The following CNR1 variants were observed in gnomAD, a reference collection of about 807,000 sequenced individuals.
The protein encoded by CNR1 is cannabinoid receptor 1 (brain).
In CNR1, 10 loss-of-function variants were observed where a neutral mutation model predicts 23.0. That is an observed-to-expected ratio of 0.43 (90% confidence interval 0.27 to 0.74). The LOEUF (loss-of-function observed/expected upper bound fraction) is 0.74, where lower values mean the gene tolerates loss of function less well. CNR1 is among the 30% of genes least tolerant of loss of function. The pLI is 0.19. For synonymous variants in CNR1, 271 were observed against 255.2 expected, an observed-to-expected ratio of 1.06 and a Z score of -0.59; for missense variants, 422 against 618.8, an observed-to-expected ratio of 0.68 and a Z score of 3.37.
intron 1 of CNR1, among the ~76,000 whole-genome samples, chr6:88,145,778 C>T (rs1036339335): frequency 2.0e-5 from 3 of 152,152 alleles, no homozygotes; most frequent in Non-Finnish European, 4.4e-5. Flanking sequence ...GTCACATGAC[C>T]CCTACTCTTG....
chr6:88,156,499 T>C (rs961086731), intron 1 of CNR1, among the ~76,000 whole-genome samples: 2 of 152,012 alleles, frequency 1.3e-5, no homozygotes, highest in Non-Finnish European at 2.9e-5. Context: ...AAGAGTAGAA[T>C]AGGTTATAAA....
intron 1 of CNR1, among the ~76,000 whole-genome samples, chr6:88,149,521 A>G (rs893018378): frequency 1.3e-5 from 2 of 152,248 alleles, no homozygotes; most frequent in Non-Finnish European, 2.9e-5. Context: ...ACAATGTGTG[A>G]GAGCTGTTCC....
At chr6:88,149,454 A>G (rs1442025594) in intron 1 of CNR1, among the ~76,000 whole-genome samples, 1 of 152,070 alleles carries the variant, frequency 6.6e-6, no homozygotes, top group Non-Finnish European at 1.5e-5. Flanking sequence ...TTGCTTAACA[A>G]CTCCATTTAC....
At position 88,145,264 on chromosome 6, in the gene CNR1, A is replaced by T. The variant is rs748988990; in HGVS notation, c.11T>A (p.Ile4Asn). 1 of 1,608,956 alleles carries T rather than the reference A, an allele frequency of 6.2e-7. No individual in the cohort carries two copies. The highest frequency in any genetic ancestry group is 8.5e-7 in the Non-Finnish European group (1 of 1,176,598). MKSILDGLADTTFR... is the reference protein window; with the variant it reads MKSNLDGLADTTFR... ...GGTGGTATCTGCAAGGCCATCTAGG[A>T]TCGACTTCATAACCTCAGTCTTTGA... Residue 4 changes from isoleucine (I) to asparagine (N), a missense_variant, in exon 2 of 2, where the codon ATC becomes AAC. Ile to Asn is a moderately radical substitution (Grantham distance 149). This residue lies in a region of CNR1 where 120 missense variants were observed against 117.6 expected (regional missense o/e 1.02). Transcript: ENST00000369501.
Position 88,144,537 on chromosome 6 carries a change from C to T in CNR1, c.738G>A (p.Val246=). The T allele has an allele frequency of 1.2e-6, 2 of 1,614,234 alleles. No individual in the cohort carries two copies. Among genetic ancestry groups the T allele is most frequent in the Non-Finnish European group, 1.7e-6 (2 of 1,180,046 alleles). ...AGCCCAGGAGAGGCAGCACGGCGAT[C>T]ACAATGGCTATGGTCCACATCAGGC... ...AFCLMWTIAI[V]IAVLPLLGWN... Residue 246 remains valine (V), a synonymous_variant, in exon 2 of 2, where the codon GTG becomes GTA. Transcript: ENST00000369501. The surrounding 1 kb of genome is among the most constrained non-coding windows in gnomAD (Gnocchi z 7.8).
intron 1 of CNR1, among the ~76,000 whole-genome samples, chr6:88,150,782 A>G (rs1305219590): frequency 6.6e-6 from 1 of 152,236 alleles, no homozygotes; most frequent in African/African-American, 2.4e-5. Flanking sequence ...CAGCTCTCTC[A>G]TATATTGTGA....
Position 88,145,075 on chromosome 6 carries a change from T to C in CNR1, c.200A>G (p.Asn67Ser), listed in dbSNP as rs752064133. Residue 67 changes from asparagine (N) to serine (S), a missense_variant, in exon 2 of 2, where the codon AAC becomes AGC. By Grantham distance (46) the Asn-to-Ser change is conservative. Coordinates refer to ENST00000369501, the MANE Select transcript of CNR1 (RefSeq NM_016083.6). ...PFQEKMTAGD[N>S]PQLVPADQVN... ...CTGGTCTGCTGGGACTAGCTGGGGG[T>C]TGTCTCCCGCAGTCATCTTCTCTTG... The C allele has an allele frequency of 1.2e-6, 2 of 1,614,056 alleles. No homozygotes were observed. The highest frequency in any genetic ancestry group is 1.7e-6 in the Non-Finnish European group (2 of 1,180,000).
Position 88,145,066 on chromosome 6 carries a change from A to T in CNR1, c.209T>A (p.Leu70Gln). The change falls in exon 2 of 2, where the codon CTA becomes CAA. Residue 70 changes from leucine to glutamine, a missense_variant. Leu to Gln is a moderately radical substitution (Grantham distance 113, BLOSUM62 -2). This residue lies in a region of CNR1 where 120 missense variants were observed against 117.6 expected (regional missense o/e 1.02). Coordinates refer to ENST00000369501, the MANE Select transcript of CNR1 (RefSeq NM_016083.6). ...AATGTTCACCTGGTCTGCTGGGACTAGCTGGGGGTTGTCTCCCGCAGTCAT... is the reference window on the plus strand; with the variant it reads ...AATGTTCACCTGGTCTGCTGGGACTTGCTGGGGGTTGTCTCCCGCAGTCAT... ...EKMTAGDNPQ[L>Q]VPADQVNITE... The T allele has an allele frequency of 1.2e-6, 2 of 1,614,186 alleles. No homozygotes were observed. The highest frequency in any genetic ancestry group is 2.2e-5 in the South Asian group (2 of 91,082).
At chr6:88,158,372 T>C (rs1178379019) in intron 1 of CNR1, among the ~76,000 whole-genome samples, 1 of 152,188 alleles carries the variant, frequency 6.6e-6, no homozygotes, top group East Asian at 1.9e-4. Context: ...TGTGAACATA[T>C]TGAATTAGTA....
chr6:88,141,874 G>C lies in CNR1; in HGVS notation c.*1982C>G, dbSNP rs1444475230. 1.3e-5 allele frequency: 2 copies of C among 152,382 alleles called. No homozygotes were observed. The highest frequency in any genetic ancestry group is 2.9e-5 in the Non-Finnish European group (2 of 68,060). The allele number at this position is 152,382 out of a possible 1,614,324, so 9.4% of individuals were successfully genotyped here. On this transcript the variant is annotated 3_prime_UTR_variant, in exon 2 of 2. Coordinates refer to ENST00000369501, the MANE Select transcript of CNR1 (RefSeq NM_016083.6). ...GCTAGAAATCACCAGATAGATGCCA[G>C]CTCTGTACTTCACTTCAGACTATGT... is the stretch of plus-strand genomic sequence containing the variant.
intron 1 of CNR1, among the ~76,000 whole-genome samples, chr6:88,156,351 A>G (rs1296504149): frequency 6.6e-6 from 1 of 152,194 alleles, no homozygotes; most frequent in Non-Finnish European, 1.5e-5. Context: ...TCTGTGATAG[A>G]TGACCCCCAA....
Position 88,144,489 on chromosome 6 carries a change from A to T in CNR1, c.786T>A (p.Ser262=). The T allele has an allele frequency of 1.2e-6, 2 of 1,614,226 alleles. No homozygotes were observed. Among genetic ancestry groups the T allele is most frequent in the African/African-American group, 2.7e-5 (2 of 75,078 alleles). ...TGTGTGGGAAAATGTCTGAGCAAAC[A>T]GATTGCAGTTTCTCGCAGTTCCAGC... is the stretch of plus-strand genomic sequence containing the variant. ...LLGWNCEKLQ[S]VCSDIFPHID... The change falls in exon 2 of 2, where the codon TCT becomes TCA. Residue 262 remains serine, a synonymous_variant. Transcript: ENST00000369501. The surrounding 1 kb of genome is among the most constrained non-coding windows in gnomAD (Gnocchi z 7.8).
At position 88,143,797 on chromosome 6, in the gene CNR1, C is replaced by CTGGCTCAAAA. The variant is rs2127825581; in HGVS notation, c.*58_*59insTTTTGAGCCA. On this transcript the variant is annotated 3_prime_UTR_variant, in exon 2 of 2. Transcript: ENST00000369501. ...ATAACCAAGGAGACAATAGACTCTT[C>CTGGCTCAAAA]TAGATTTTGAGCTTAAAAAAAAAAA... 1 of 1,295,776 alleles carries CTGGCTCAAAA rather than the reference C, an allele frequency of 7.7e-7. No individual in the cohort carries two copies. Among genetic ancestry groups the CTGGCTCAAAA allele is most frequent in the East Asian group, 2.3e-5 (1 of 43,320 alleles). The allele number at this position is 1,295,776 out of a possible 1,614,324, so 80.3% of individuals were successfully genotyped here.
chr6:88,145,507 G>T, intron 1 of CNR1, 170 bp from the exon 2 acceptor site: 1 of 516,190 alleles, frequency 1.9e-6, no homozygotes, highest in Non-Finnish European at 3.4e-6. Context: ...AAGTCACTCA[G>T]AGAAAAGCTC....
chr6:88,143,860 A>G lies in CNR1; in HGVS notation c.1415T>C (p.Leu472Pro). The G allele has an allele frequency of 6.2e-7, 1 of 1,611,136 alleles. No individual in the cohort carries two copies. The highest frequency in any genetic ancestry group is 8.5e-7 in the Non-Finnish European group (1 of 1,177,496). Reference protein sequence around the residue: ...SVSTDTSAEAL With the variant: ...SVSTDTSAEAP ...GCTGCCAGGGAGGCATCAGGCTCAC[A>G]GAGCCTCGGCAGACGTGTCTGTGGA... Residue 472 changes from leucine to proline, a missense_variant, in exon 2 of 2, where the codon CTG (leucine) becomes CCG (proline). This residue lies in a region of CNR1 where 79 missense variants were observed against 98.0 expected (regional missense o/e 0.81). Coordinates refer to ENST00000369501, the MANE Select transcript of CNR1 (RefSeq NM_016083.6).
At chr6:88,151,851 T>C (rs6454672) in intron 1 of CNR1, among the ~76,000 whole-genome samples, 25,822 of 152,018 alleles carry the variant, frequency 0.17, 2,787 homozygotes, top group African/African-American at 0.31. Context: ...TGAGAAACTT[T>C]ACATATATTC....
At chr6:88,165,173 CAT>C (rs1307531880) in intron 1 of CNR1, among the ~76,000 whole-genome samples, 4 of 152,160 alleles carry the variant, frequency 2.6e-5, no homozygotes, top group African/African-American at 4.8e-5. Context: ...TTACAGCAAA[CAT>C]ATTTTTATTT....
chr6:88,166,525 C>A (rs1010071293), upstream of CNR1, among the ~76,000 whole-genome samples: 1 of 152,110 alleles, frequency 6.6e-6, no homozygotes, highest in Admixed American at 6.5e-5. Flanking sequence ...CCCGCCGCGG[C>A]GCCAGCCCTG....
intron 1 of CNR1, among the ~76,000 whole-genome samples, chr6:88,146,769 G>T (rs1777211900): frequency 6.6e-6 from 1 of 152,132 alleles, no homozygotes; most frequent in South Asian, 2.1e-4. Context: ...GGCATTTGTT[G>T]TTCCTGAAAC....
Sources: gnomAD v4.1 joint callset for allele counts (sites outside exome capture counted in the v4.1 genomes callset) on GRCh38, gnomAD v4.1.1 for gene constraint, gnomAD v4.1.1 regional missense constraint, Gnocchi (gnomAD v3.1) non-coding constraint, MANE v1.5 for transcripts, NCBI Gene and HGNC (gene_info 2026-07-23, HGNC 2026-07-21) for gene names.